Variants in RAP1GAP observed in about 807,000 individuals in gnomAD.
The protein encoded by RAP1GAP is RAP1 GTPase activating protein.
A neutral mutation model predicts 87.2 loss-of-function variants in RAP1GAP; 35 were observed. The observed-to-expected ratio is 0.40, with a 90% CI of 0.31 to 0.53. The LOEUF (loss-of-function observed/expected upper bound fraction) is 0.53, where lower values mean the gene tolerates loss of function less well. Ranked by LOEUF, RAP1GAP falls within the 20% of genes least tolerant of loss-of-function variation. The pLI is 0.48. For missense variants in RAP1GAP, 734 were observed against 898.9 expected, an observed-to-expected ratio of 0.82 and a Z score of 2.35; for synonymous variants, 375 against 363.9, an observed-to-expected ratio of 1.03 and a Z score of -0.35.
intron 17 of RAP1GAP, among the ~76,000 whole-genome samples, chr1:21,606,578 G>C (rs527483107): frequency 6.6e-6 from 1 of 152,330 alleles, no homozygotes; most frequent in South Asian, 2.1e-4. Flanking sequence ...ATGGCCAAAA[G>C]TGTGCACAGA....
At chr1:21,647,790 G>C (rs1021371156) in intron 2 of RAP1GAP, among the ~76,000 whole-genome samples, 1 of 152,190 alleles carries the variant, frequency 6.6e-6, no homozygotes, top group African/African-American at 2.4e-5. Flanking sequence ...AGGGAATGGG[G>C]GTGTGGGGAT....
At chr1:21,642,251 A>G (rs760987265) in intron 2 of RAP1GAP, among the ~76,000 whole-genome samples, 32 of 152,214 alleles carry the variant, frequency 2.1e-4, no homozygotes, top group Non-Finnish European at 3.8e-4. Flanking sequence ...CTACACACCA[A>G]GCGCAATTCC....
chr1:21,669,216 C>G lies in RAP1GAP; in HGVS notation c.-149+38G>C. On this transcript the variant is annotated intron_variant, in intron 1 of 24. Transcript: ENST00000374765. The surrounding 1 kb of genome is among the most constrained non-coding windows in gnomAD (Gnocchi z 5.6). ...GAGTCTGGACACCTCTGTCCCCTTC[C>G]CCTTTCCAGGGCCGCAGCCCTGGCG... 1.6e-6 allele frequency: 2 copies of G among 1,252,786 alleles called. No homozygotes were observed. Among genetic ancestry groups the G allele is most frequent in the Non-Finnish European group, 2.1e-6 (2 of 973,528 alleles). 77.6% of individuals were successfully genotyped at this position (1,252,786 alleles called of 1,614,324 possible). A position where few individuals can be genotyped will look rare whatever the true frequency, so the allele number is the denominator to read the frequency against.
At chr1:21,653,107 G>C (rs1346966685) in intron 1 of RAP1GAP, 1 of 152,176 alleles carries the variant, frequency 6.6e-6, no homozygotes, top group Non-Finnish European at 1.5e-5. Context: ...GACGAGTCTG[G>C]GTACCAGGGT....
intron 2 of RAP1GAP, among the ~76,000 whole-genome samples, chr1:21,648,661 T>A (rs980987515): frequency 3.3e-5 from 5 of 152,206 alleles, no homozygotes; most frequent in African/African-American, 1.2e-4. Context: ...AAGGATGGCA[T>A]CTTCCTCACC....
chr1:21,618,443 T>C (rs77609660), intron 5 of RAP1GAP, among the ~76,000 whole-genome samples: 4,472 of 152,148 alleles, frequency 0.029, 227 homozygotes, highest in African/African-American at 0.1. Flanking sequence ...CTGGGATCTC[T>C]CACCAAGAAC....
chr1:21,601,758 C>T lies in RAP1GAP; in HGVS notation c.1578G>A (p.Gly526=), dbSNP rs758611200. The part of the protein sequence containing the change: ...PPAGQKTPDS[G]HVSQEPKSEN... ...CCGACTTGGGCTCCTGTGAGACGTG[C>T]CCGCTGTCTGGGGTCTTCTGACCAG... The change falls in exon 20 of 25, where the codon GGG becomes GGA. Residue 526 remains glycine (G), a synonymous_variant. Transcript: ENST00000374765. 1 of 1,611,194 alleles carries T rather than the reference C, an allele frequency of 6.2e-7. No individual in the cohort carries two copies. Among genetic ancestry groups the T allele is most frequent in the Admixed American group, 1.7e-5 (1 of 59,924 alleles).
intron 2 of RAP1GAP, among the ~76,000 whole-genome samples, chr1:21,642,863 T>C (rs2151487736): frequency 7.9e-6 from 1 of 126,678 alleles, no homozygotes; most frequent in African/African-American, 3.0e-5. Context: ...ACAGTGCACC[T>C]CCCTTCCCCA....
At chr1:21,662,258 G>C (rs982705078) in intron 1 of RAP1GAP, among the ~76,000 whole-genome samples, 4 of 152,122 alleles carry the variant, frequency 2.6e-5, no homozygotes, top group African/African-American at 9.7e-5. Context: ...TGGCCCCAAG[G>C]GCTCCGGCAC....
rs559898211 is a variant in RAP1GAP at position 21,664,011 on chromosome 1, A to G, written c.-149+5243T>C. On this transcript the variant is annotated intron_variant, in intron 1 of 24. Transcript: ENST00000374765. ...TGGGAGCTGTACTGCAAAGACAGAAACTACATCCTCCCATTCCACAGATGG... is the reference window on the plus strand; with the variant it reads ...TGGGAGCTGTACTGCAAAGACAGAAGCTACATCCTCCCATTCCACAGATGG... 1.7e-3 allele frequency among the ~76,000 whole-genome samples: 256 copies of G among 152,308 alleles called. 2 individuals carry two copies. Among genetic ancestry groups the G allele is most frequent in the Admixed American group, 3.1e-3 (47 of 15,304 alleles).
intron 1 of RAP1GAP, among the ~76,000 whole-genome samples, chr1:21,659,017 G>A (rs969201377): frequency 6.9e-6 from 1 of 144,456 alleles, no homozygotes; most frequent in African/African-American, 2.6e-5. Flanking sequence ...TCGGCTCACC[G>A]CAACCTCCAC....
At chr1:21,612,845 G>T (rs1482250654) in intron 10 of RAP1GAP, among the ~76,000 whole-genome samples, 1 of 152,222 alleles carries the variant, frequency 6.6e-6, no homozygotes, top group Non-Finnish European at 1.5e-5. Context: ...AAGGCCGGTA[G>T]AAAAGACACC....
At chr1:21,648,858 C>T (rs967900046) in intron 2 of RAP1GAP, among the ~76,000 whole-genome samples, 1 of 152,204 alleles carries the variant, frequency 6.6e-6, no homozygotes, top group Admixed American at 6.5e-5. Context: ...TTAGCTGAGG[C>T]ACCCTGTGTG....
At chr1:21,640,124 C>G (rs1412292123) in intron 2 of RAP1GAP, among the ~76,000 whole-genome samples, 1 of 128,942 alleles carries the variant, frequency 7.8e-6, no homozygotes, top group Non-Finnish European at 1.5e-5. Flanking sequence ...AGACTCCTTT[C>G]CGCTCCTCAA....
intron 11 of RAP1GAP, 58 bp downstream of exon 11, chr1:21,611,968 G>A (rs2078622825): frequency 6.7e-7 from 1 of 1,486,816 alleles, no homozygotes; most frequent in Admixed American, 1.9e-5. Context: ...TGGAAAAGGT[G>A]TGAGGCTCCA....
intron 2 of RAP1GAP, among the ~76,000 whole-genome samples, chr1:21,645,036 A>G (rs2151653886): frequency 6.6e-6 from 1 of 152,306 alleles, no homozygotes; most frequent in African/African-American, 2.4e-5. Context: ...ATCCAGGCTC[A>G]GTGAGGTGAA....
intron 18 of RAP1GAP, among the ~76,000 whole-genome samples, chr1:21,605,716 G>T (rs1472814622): frequency 6.6e-6 from 1 of 152,238 alleles, no homozygotes; most frequent in Non-Finnish European, 1.5e-5. Flanking sequence ...CCACACAGCA[G>T]CCCAGTCCCC....
chr1:21,618,087 C>T (rs967513347), intron 5 of RAP1GAP, 115 bp from the exon 6 acceptor site: 3 of 1,234,888 alleles, frequency 2.4e-6, no homozygotes, highest in African/African-American at 3.0e-5. Flanking sequence ...GCCCTGGCCT[C>T]ATCACCTCTT....
At chr1:21,628,866 C>T (rs2093077079) in intron 2 of RAP1GAP, among the ~76,000 whole-genome samples, 1 of 150,710 alleles carries the variant, frequency 6.6e-6, no homozygotes, top group South Asian at 2.1e-4. Context: ...CCAGCCTGGG[C>T]TCCAGAGGGA....
Sources: allele counts gnomAD v4.1 joint callset (sites outside exome capture counted in the v4.1 genomes callset), GRCh38; gene constraint gnomAD v4.1.1; non-coding constraint Gnocchi (gnomAD v3.1); transcripts MANE v1.5; gene names NCBI Gene and HGNC (gene_info 2026-07-23, HGNC 2026-07-21).